EXT2: variants seen among roughly 807,000 people sequenced by gnomAD.
The protein encoded by EXT2 is exostosin glycosyltransferase 2, also known as exostosin-2.
A neutral mutation model predicts 81.6 loss-of-function variants in EXT2; 53 were observed. That is an observed-to-expected ratio of 0.65 (90% CI 0.52 to 0.82). The LOEUF (loss-of-function observed/expected upper bound fraction) is 0.82, where lower values mean the gene tolerates loss of function less well. EXT2 is among the 40% of genes least tolerant of loss of function. EXT2 has a pLI of 0.00. For synonymous variants in EXT2, 320 were observed against 340.0 expected, an observed-to-expected ratio of 0.94 and a Z score of 0.65; for missense variants, 774 against 910.2, an observed-to-expected ratio of 0.85 and a Z score of 1.93.
chr11:44,241,028 A>G (rs980929503), intron 13 of EXT2, among the ~76,000 whole-genome samples: 5 of 152,226 alleles, frequency 3.3e-5, no homozygotes, highest in Non-Finnish European at 7.3e-5. Flanking sequence ...CAATGAAAGC[A>G]GTTAGCCACT....
At chr11:44,176,309 T>C (rs975003348) in intron 8 of EXT2, among the ~76,000 whole-genome samples, 10 of 152,132 alleles carry the variant, frequency 6.6e-5, no homozygotes, top group Non-Finnish European at 1.3e-4. Context: ...AGAATATAGG[T>C]AGGCTAGGAA....
At chr11:44,099,093 C>T (rs1953945262) in intron 1 of EXT2, among the ~76,000 whole-genome samples, 1 of 152,178 alleles carries the variant, frequency 6.6e-6, no homozygotes, top group Non-Finnish European at 1.5e-5. Flanking sequence ...CCTCAACCTC[C>T]CGGGTTCAAG....
chr11:44,113,814 A>G (rs1156681171), intron 3 of EXT2, among the ~76,000 whole-genome samples: 3 of 152,166 alleles, frequency 2.0e-5, no homozygotes, highest in Non-Finnish European at 4.4e-5. Flanking sequence ...CAGTCTTCCC[A>G]TGCAGAACTG....
chr11:44,176,742 T>G (rs1268712922), intron 8 of EXT2, among the ~76,000 whole-genome samples: 1 of 152,130 alleles, frequency 6.6e-6, no homozygotes, highest in Admixed American at 6.5e-5. Context: ...ATTTATGATG[T>G]CTGACATTCC....
chr11:44,147,578 T>G (rs1281531271), intron 7 of EXT2, among the ~76,000 whole-genome samples: 1 of 151,830 alleles, frequency 6.6e-6, no homozygotes, highest in East Asian at 1.9e-4. Flanking sequence ...GTTGTTGTTT[T>G]GAGACAGAGT....
At chr11:44,124,412 C>T (rs1202490648) in intron 4 of EXT2, among the ~76,000 whole-genome samples, 4 of 148,496 alleles carry the variant, frequency 2.7e-5, no homozygotes, top group South Asian at 2.2e-4. Flanking sequence ...GACAACACTT[C>T]GATGTTCCTT....
At chr11:44,202,716 G>T (rs761821332) in intron 9 of EXT2, among the ~76,000 whole-genome samples, 2 of 152,232 alleles carry the variant, frequency 1.3e-5, no homozygotes, top group East Asian at 3.9e-4. Flanking sequence ...GCTGGGCACT[G>T]TGTTGCTAAA....
chr11:44,207,839 G>A (rs1403427347), intron 10 of EXT2, among the ~76,000 whole-genome samples: 1 of 151,978 alleles, frequency 6.6e-6, no homozygotes, highest in Non-Finnish European at 1.5e-5. Flanking sequence ...TGGATTTTAA[G>A]GACAAGGAAA....
At chr11:44,177,489 G>A (rs1007658639) in intron 8 of EXT2, among the ~76,000 whole-genome samples, 1 of 152,180 alleles carries the variant, frequency 6.6e-6, no homozygotes, top group Non-Finnish European at 1.5e-5. Context: ...TTCTCTGCCA[G>A]ATGTGAACAT....
intron 4 of EXT2, among the ~76,000 whole-genome samples, chr11:44,122,124 A>G (rs564179341): frequency 6.6e-6 from 1 of 152,296 alleles, no homozygotes; most frequent in African/African-American, 2.4e-5. Flanking sequence ...CTACTTAAAG[A>G]GAAAGGCTCC....
intron 8 of EXT2, among the ~76,000 whole-genome samples, chr11:44,184,007 G>T (rs1244958317): frequency 1.3e-5 from 2 of 152,222 alleles, no homozygotes; most frequent in African/African-American, 2.4e-5. Context: ...CATCTCACAT[G>T]TGAGGTTTTC....
chr11:44,146,229 T>G (rs1954715128), intron 7 of EXT2, among the ~76,000 whole-genome samples: 1 of 152,252 alleles, frequency 6.6e-6, no homozygotes, highest in Admixed American at 6.5e-5. Flanking sequence ...AGCCTCATTT[T>G]CACTTAATCA....
In EXT2 at chr11:44,245,366, C is replaced by T. The variant is rs1295148318; in HGVS notation, c.*1079C>T. ...CTGGCTAACGTTAAATGCTGCTATACAACTGCTTTGCAACAGTTGCTGGTA... is the reference window on the plus strand; with the variant it reads ...CTGGCTAACGTTAAATGCTGCTATATAACTGCTTTGCAACAGTTGCTGGTA... On this transcript the variant is annotated 3_prime_UTR_variant, in exon 14 of 14. Coordinates refer to ENST00000533608, the MANE Select transcript of EXT2 (RefSeq NM_207122.2). The T allele has an allele frequency of 4.7e-6, 1 of 210,660 alleles. No homozygotes were observed. Among genetic ancestry groups the T allele is most frequent in the Admixed American group, 5.9e-5 (1 of 16,890 alleles). The allele number at this position is 210,660 out of a possible 1,614,324, so 13.0% of individuals were successfully genotyped here. A position where few individuals can be genotyped will look rare whatever the true frequency, so the allele number is the denominator to read the frequency against.
chr11:44,124,529 C>T (rs1298232054), intron 4 of EXT2, among the ~76,000 whole-genome samples: 1 of 151,936 alleles, frequency 6.6e-6, no homozygotes, highest in Non-Finnish European at 1.5e-5. Flanking sequence ...AGCATTTCCT[C>T]ACGATATCAA....
At chr11:44,140,014 A>G (rs1464791839) in intron 7 of EXT2, among the ~76,000 whole-genome samples, 1 of 152,204 alleles carries the variant, frequency 6.6e-6, no homozygotes, top group African/African-American at 2.4e-5. Context: ...GCAGGTCCGG[A>G]ACCTCGCCGT....
intron 7 of EXT2, among the ~76,000 whole-genome samples, chr11:44,142,754 G>A (rs1442035533): frequency 2.6e-5 from 4 of 152,288 alleles, no homozygotes; most frequent in African/African-American, 9.6e-5. Flanking sequence ...AGACCTACAG[G>A]CCAGTGATAC....
chr11:44,147,775 C>T (rs376072754), intron 7 of EXT2, among the ~76,000 whole-genome samples: 19 of 103,356 alleles, frequency 1.8e-4, no homozygotes, highest in South Asian at 6.5e-4. Flanking sequence ...TCCACATTGT[C>T]TTTTTTTTTT....
rs1956096438 is a variant in EXT2, at chr11:44,246,690, A to G, written c.*2403A>G. ...GGTGGTACAGTCACCGTAGAAATTCAAGACAGGGATATAGCAGGTGATGGC... is the reference window on the plus strand; with the variant it reads ...GGTGGTACAGTCACCGTAGAAATTCGAGACAGGGATATAGCAGGTGATGGC... On this transcript the variant is annotated 3_prime_UTR_variant, in exon 14 of 14. Transcript: ENST00000533608. Among the ~76,000 whole-genome samples, 1 of 152,212 alleles carries G rather than the reference A, an allele frequency of 6.6e-6. No homozygotes were observed. The highest frequency in any genetic ancestry group is 1.9e-4 in the East Asian group (1 of 5,202).
intron 8 of EXT2, among the ~76,000 whole-genome samples, chr11:44,197,071 T>C (rs1323431868): frequency 6.6e-6 from 1 of 152,280 alleles, no homozygotes; most frequent in East Asian, 1.9e-4. Flanking sequence ...CCATTCAGAA[T>C]GTAGATTTTT....
Sources: allele counts gnomAD v4.1 joint callset (sites outside exome capture counted in the v4.1 genomes callset), GRCh38; gene constraint gnomAD v4.1.1; transcripts MANE v1.5; gene names NCBI Gene and HGNC (gene_info 2026-07-23, HGNC 2026-07-21).